THTPA: variants seen among roughly 807,000 people sequenced by gnomAD.
THTPA encodes the protein thiamine triphosphatase.
THTPA carries 16 observed loss-of-function variants against 16.5 expected under a neutral mutation model. The observed-to-expected ratio is 0.97, with a 90% CI of 0.66 to 1.47. The LOEUF is 1.47. THTPA is among the 40% of genes most tolerant of loss of function. The pLI is 0.00. For missense variants in THTPA, 281 were observed against 280.9 expected (o/e 1.00, Z 0.00); for synonymous variants, 110 against 115.5 (o/e 0.95, Z 0.30).
Position 23,556,512 on chromosome 14 carries a change from A to T in THTPA, c.-246A>T, listed in dbSNP as rs535117561. On this transcript the variant is annotated 5_prime_UTR_variant, in exon 1 of 2. Transcript: ENST00000288014. ...GTCTCTTTGGATTGAGGACATCAGC[A>T]GCAGTGGAAGGGATTTTACTGGAGA... is the stretch of plus-strand genomic sequence containing the variant. The T allele has an allele frequency of 3.3e-5, 18 of 542,978 alleles. No homozygotes were observed. In the East Asian group the frequency reaches 5.6e-4, roughly 17 times the overall value. The allele number at this position is 542,978 out of a possible 1,614,324, so 33.6% of individuals were successfully genotyped here. A position where few individuals can be genotyped will look rare whatever the true frequency, so the allele number is the denominator to read the frequency against.
chr14:23,537,996 T>C, the THTPA span: 1 of 152,820 alleles, frequency 6.5e-6, no homozygotes, highest in African/African-American at 2.4e-5. Context: ...TACCAGCTGC[T>C]TCCTGGCTCC....
chr14:23,545,603 T>C, the THTPA span, among the ~76,000 whole-genome samples: 1 of 152,220 alleles, frequency 6.6e-6, no homozygotes, highest in Non-Finnish European at 1.5e-5. Flanking sequence ...TAATTTCAAG[T>C]GCACTTCTTT....
chr14:23,550,863 C>A, the THTPA span, among the ~76,000 whole-genome samples: 1 of 152,092 alleles, frequency 6.6e-6, no homozygotes, highest in Non-Finnish European at 1.5e-5. Context: ...ATCCATCAGC[C>A]CGCCGGCCGC....
chr14:23,539,591 T>C, the THTPA span, among the ~76,000 whole-genome samples: 7 of 152,168 alleles, frequency 4.6e-5, no homozygotes, highest in Admixed American at 2.6e-4. Context: ...GACCAAAAAA[T>C]TGAAGTCTGA....
In THTPA at chr14:23,560,055, CAG is replaced by C. The variant is rs766441921; in HGVS notation, c.*1218_*1219del. On this transcript the variant is annotated 3_prime_UTR_variant, in exon 2 of 2. Coordinates refer to ENST00000288014, the MANE Select transcript of THTPA (RefSeq NM_024328.6). ...GGAGACTCTGAACACAGGAGTTTAA[CAG>C]AGCACAGTATGGCAGTAGGTAGGGC... is the stretch of plus-strand genomic sequence containing the variant. The C allele has an allele frequency of 1.5e-5, 23 of 1,553,960 alleles. No homozygotes were observed. Among genetic ancestry groups the C allele is most frequent in the South Asian group, 2.3e-5 (2 of 88,588 alleles).
the THTPA span, chr14:23,526,980 T>A: frequency 1.3e-6 from 2 of 1,502,642 alleles, no homozygotes; most frequent in South Asian, 1.3e-5. Context: ...TAGCCTGCAA[T>A]GAGAAAAAGC....
upstream of THTPA, among the ~76,000 whole-genome samples, chr14:23,553,344 A>C (rs1882110808): frequency 6.6e-6 from 1 of 152,192 alleles, no homozygotes; most frequent in Non-Finnish European, 1.5e-5. Context: ...TCACTCCTGT[A>C]ATCCCAGCAC....
chr14:23,525,858 G>C, the THTPA span: 1 of 1,456,678 alleles, frequency 6.9e-7, no homozygotes. The surrounding 1 kb of genome is among the most constrained non-coding windows in gnomAD (Gnocchi z 5.9). Context: ...AGGAGCAGCT[G>C]CTGCTGCTGG....
chr14:23,542,006 G>T, the THTPA span, among the ~76,000 whole-genome samples: 2 of 152,142 alleles, frequency 1.3e-5, no homozygotes, highest in Admixed American at 6.5e-5. Context: ...CAGGGAATGA[G>T]ACAAGCAGGA....
At chr14:23,533,433 G>A in the THTPA span, 3 of 1,526,318 alleles carry the variant, frequency 2.0e-6, no homozygotes, top group South Asian at 2.4e-5. This position sits in a 1 kb window ranked among gnomAD's most constrained non-coding sequence, Gnocchi z 4.8. Context: ...AGTACTGGAA[G>A]AGTTCAGGGG....
Position 23,558,894 on chromosome 14 carries a change from C to T in THTPA, c.*54C>T. Reference sequence around the variant, plus strand: ...ACTCTGGGTCTAACGGAGTCCACTCCTGGGCCCACTGTGCCTCTCCCCTCA... The same window carrying T: ...ACTCTGGGTCTAACGGAGTCCACTCTTGGGCCCACTGTGCCTCTCCCCTCA... On this transcript the variant is annotated 3_prime_UTR_variant, in exon 2 of 2. Coordinates refer to ENST00000288014, the MANE Select transcript of THTPA (RefSeq NM_024328.6). 6.2e-7 allele frequency: 1 copy of T among 1,602,014 alleles called. No individual in the cohort carries two copies. Among genetic ancestry groups the T allele is most frequent in the Non-Finnish European group, 8.5e-7 (1 of 1,173,228 alleles).
At position 23,559,192 on chromosome 14, in the gene THTPA, C is replaced by T. The variant is rs997223591; in HGVS notation, c.*352C>T. 1.2e-5 allele frequency: 3 copies of T among 250,738 alleles called. No homozygotes were observed. Among genetic ancestry groups the T allele is most frequent in the African/African-American group, 6.8e-5 (3 of 44,330 alleles). 15.5% of individuals were successfully genotyped at this position (250,738 alleles called of 1,614,324 possible). On this transcript the variant is annotated 3_prime_UTR_variant, in exon 2 of 2. Transcript: ENST00000288014. The stretch of plus-strand genomic sequence containing the variant: ...TGGTCGATGCCATTGATTCTGCCAG[C>T]GGCTCCTAAACCGCCTTACAGCTGA...
chr14:23,542,112 G>T, the THTPA span: 1 of 152,606 alleles, frequency 6.6e-6, no homozygotes. Flanking sequence ...GAAGTGAAGA[G>T]GAAGATGAAG....
chr14:23,524,557 A>G, the THTPA span: 7 of 1,532,104 alleles, frequency 4.6e-6, no homozygotes, highest in Non-Finnish European at 5.2e-6. The surrounding 1 kb of genome is among the most constrained non-coding windows in gnomAD (Gnocchi z 5.6). Flanking sequence ...TGGGCTGCAG[A>G]GATGGCAGGA....
chr14:23,520,504 C>T, the THTPA span, among the ~76,000 whole-genome samples: 1 of 152,156 alleles, frequency 6.6e-6, no homozygotes, highest in Non-Finnish European at 1.5e-5. The surrounding 1 kb of genome is among the most constrained non-coding windows in gnomAD (Gnocchi z 8.7). Flanking sequence ...CACTCACCCC[C>T]TTCTTCCTGG....
At chr14:23,527,015 A>G in the THTPA span, 1 of 1,467,902 alleles carries the variant, frequency 6.8e-7, no homozygotes, top group South Asian at 1.4e-5. Flanking sequence ...ACCACCCCCC[A>G]CTGCCCCTAT....
At chr14:23,527,353 C>G in the THTPA span, among the ~76,000 whole-genome samples, 1 of 152,216 alleles carries the variant, frequency 6.6e-6, no homozygotes, top group Non-Finnish European at 1.5e-5. Context: ...TAAAATCCAA[C>G]TTCAAATCCA....
upstream of THTPA, among the ~76,000 whole-genome samples, chr14:23,551,007 C>G (rs1189275428): frequency 6.6e-6 from 1 of 152,020 alleles, no homozygotes; most frequent in Non-Finnish European, 1.5e-5. The surrounding 1 kb of genome is among the most constrained non-coding windows in gnomAD (Gnocchi z 5.3). Context: ...TCGGCGCGGT[C>G]CGTCTAGGCT....
the THTPA span, chr14:23,531,614 C>T: frequency 6.6e-7 from 1 of 1,525,044 alleles, no homozygotes; most frequent in Non-Finnish European, 8.8e-7. Flanking sequence ...CAGGTGTGCG[C>T]AGGTGTTGCA....
Sources: gnomAD v4.1 joint callset for allele counts (sites outside exome capture counted in the v4.1 genomes callset) on GRCh38, gnomAD v4.1.1 for gene constraint, Gnocchi (gnomAD v3.1) non-coding constraint, MANE v1.5 for transcripts, NCBI Gene and HGNC (gene_info 2026-07-23, HGNC 2026-07-21) for gene names.